QSOX2: variants seen among roughly 807,000 people sequenced by gnomAD.
QSOX2 encodes the protein quiescin sulfhydryl oxidase 2.
In QSOX2, 46 loss-of-function variants were observed where a neutral mutation model predicts 61.7. The ratio of observed to expected loss-of-function variants is 0.75; its 90% confidence interval spans 0.59 to 0.95. The LOEUF is 0.95. Ranked by LOEUF, QSOX2 falls within the 40% of genes least tolerant of loss-of-function variation. The pLI is 0.00. For synonymous variants in QSOX2, 383 were observed against 388.4 expected, an observed-to-expected ratio of 0.99 and a Z score of 0.16; for missense variants, 879 against 918.9, an observed-to-expected ratio of 0.96 and a Z score of 0.56.
intron 2 of QSOX2, 111 bp from the exon 3 acceptor site, chr9:136,225,020 G>C (rs1338246284): frequency 5.9e-6 from 4 of 674,118 alleles, no homozygotes; most frequent in African/African-American, 1.9e-5. Flanking sequence ...AATTTCCTTC[G>C]GAAAGTTTTC....
chr9:136,214,770 A>AT (rs1283130576), intron 10 of QSOX2, among the ~76,000 whole-genome samples: 2 of 152,192 alleles, frequency 1.3e-5, no homozygotes, highest in Non-Finnish European at 2.9e-5. Context: ...TGGCTGCTAA[A>AT]TTTTGGGGTG....
At chr9:136,234,125 A>G (rs919571802) in intron 1 of QSOX2, among the ~76,000 whole-genome samples, 1 of 151,480 alleles carries the variant, frequency 6.6e-6, no homozygotes, top group East Asian at 1.9e-4. Context: ...TGGCCAGGAC[A>G]AAGGCCTTCA....
Position 136,207,193 on chromosome 9 carries a change from G to A in QSOX2, c.*1535C>T, listed in dbSNP as rs1831775844. The A allele has an allele frequency of 1.3e-5, 2 of 152,296 alleles. No homozygotes were observed. Among genetic ancestry groups the A allele is most frequent in the Non-Finnish European group, 2.9e-5 (2 of 68,042 alleles). 9.4% of individuals were successfully genotyped at this position (152,296 alleles called of 1,614,324 possible). ...GCCCAGCCATTCTGTGACAGTTGTT[G>A]AAAGAATCAGCTGTTGCCTTTTTTT... On this transcript the variant is annotated 3_prime_UTR_variant, in exon 12 of 12. Transcript: ENST00000358701.
At position 136,222,622 on chromosome 9, in the gene QSOX2, G is replaced by A. The variant is rs898317698; in HGVS notation, c.676-681C>T. On this transcript the variant is annotated intron_variant, in intron 5 of 11. Transcript: ENST00000358701. This position sits in a 1 kb window ranked among gnomAD's most constrained non-coding sequence, Gnocchi z 6.9. ...TGGGTGTGTCTGCGAAGAGCTGATCGCTACTCTGGGGCCACACTGGTCTCT... is the reference window on the plus strand; with the variant it reads ...TGGGTGTGTCTGCGAAGAGCTGATCACTACTCTGGGGCCACACTGGTCTCT... 3.9e-5 allele frequency among the ~76,000 whole-genome samples: 6 copies of A among 152,168 alleles called. No individual in the cohort carries two copies. The highest frequency in any genetic ancestry group is 9.6e-5 in the African/African-American group (4 of 41,454).
Position 136,207,364 on chromosome 9 carries a change from T to TACACACACACACACAC in QSOX2, c.*1348_*1363dup, listed in dbSNP as rs58474709. ...ACCGTCAAAGTCTCTCTCTCTCTCA[T>TACACACACACACACAC]ACACACACACACACACACACACACA... On this transcript the variant is annotated 3_prime_UTR_variant, in exon 12 of 12. Transcript: ENST00000358701. The TACACACACACACACAC allele has an allele frequency of 2.8e-5, 4 of 145,124 alleles. No individual in the cohort carries two copies. The highest frequency in any genetic ancestry group is 5.2e-5 in the African/African-American group (2 of 38,546). The allele number at this position is 145,124 out of a possible 1,614,324, so 9.0% of individuals were successfully genotyped here. A position where few individuals can be genotyped will look rare whatever the true frequency, so the allele number is the denominator to read the frequency against.
chr9:136,224,940 G>A, intron 2 of QSOX2, 31 bp from the exon 3 acceptor site: 1 of 1,574,476 alleles, frequency 6.4e-7, no homozygotes, highest in African/African-American at 1.4e-5. Context: ...CAAGTAAGAG[G>A]CAGCCTTCCA....
At position 136,221,016 on chromosome 9, in the gene QSOX2, C is replaced by T. The variant is rs886243397; in HGVS notation, c.821+780G>A. Among the ~76,000 whole-genome samples, 4 of 152,192 alleles carry T rather than the reference C, an allele frequency of 2.6e-5. No individual in the cohort carries two copies. The highest frequency in any genetic ancestry group is 5.9e-5 in the Non-Finnish European group (4 of 68,036). On this transcript the variant is annotated intron_variant, in intron 6 of 11. Transcript: ENST00000358701. The surrounding 1 kb of genome is among the most constrained non-coding windows in gnomAD (Gnocchi z 4.5). ...ACCTGATTCAAGTTGTTTACTTTTTCATTGGGCTTATCCGAGGGGCACACA... is the reference window on the plus strand; with the variant it reads ...ACCTGATTCAAGTTGTTTACTTTTTTATTGGGCTTATCCGAGGGGCACACA...
At chr9:136,240,839 G>A (rs867758582) in intron 1 of QSOX2, among the ~76,000 whole-genome samples, 3 of 152,196 alleles carry the variant, frequency 2.0e-5, no homozygotes, top group East Asian at 1.9e-4. Context: ...CTTCAGCCTC[G>A]AAGGGTGCTC....
intron 1 of QSOX2, among the ~76,000 whole-genome samples, chr9:136,237,545 C>A (rs541165566): frequency 2.2e-5 from 3 of 133,864 alleles, no homozygotes; most frequent in Non-Finnish European, 4.8e-5. Context: ...CCGTCCTGTG[C>A]CACACCTGGA....
At chr9:136,228,255 T>G (rs1231383213) in intron 1 of QSOX2, among the ~76,000 whole-genome samples, 1 of 152,152 alleles carries the variant, frequency 6.6e-6, no homozygotes, top group Admixed American at 6.5e-5. Flanking sequence ...AATGGTGACG[T>G]GTCATCTCTC....
rs566995138 is a variant in QSOX2, at chr9:136,216,783, G to A, written c.1087-61C>T. 4.5e-5 allele frequency: 72 copies of A among 1,589,384 alleles called. No individual in the cohort carries two copies. The African/African-American group carries it at 7.0e-4, about 15-fold the overall frequency. ...CCAAACCCGGGCCCGCCCCCACCGC[G>A]GGGGGCACCGCACCTCCAAAGAGAA... On this transcript the variant is annotated intron_variant, in intron 8 of 11. Transcript: ENST00000358701.
intron 6 of QSOX2, among the ~76,000 whole-genome samples, chr9:136,219,689 C>G (rs961861963): frequency 6.6e-6 from 1 of 152,196 alleles, no homozygotes; most frequent in East Asian, 1.9e-4. Flanking sequence ...CAGGGTGGAG[C>G]TGCCTTCTGA....
intron 10 of QSOX2, 79 bp from the exon 11 acceptor site, chr9:136,211,531 G>A (rs1831846082): frequency 2.1e-6 from 3 of 1,456,362 alleles, no homozygotes; most frequent in Admixed American, 1.8e-5. Flanking sequence ...AGAGCCTGGG[G>A]GGAAACCGCT....
At chr9:136,232,438 C>A (rs111618866) in intron 1 of QSOX2, among the ~76,000 whole-genome samples, 20 of 152,220 alleles carry the variant, frequency 1.3e-4, no homozygotes, top group African/African-American at 4.8e-4. Context: ...ATGAGCCACA[C>A]GGCCTAGAAA....
intron 10 of QSOX2, among the ~76,000 whole-genome samples, chr9:136,212,430 G>A (rs1296249782): frequency 1.3e-5 from 2 of 152,246 alleles, no homozygotes; most frequent in Admixed American, 6.5e-5. Context: ...GACGCTTGTC[G>A]TGGCTCCCTG....
chr9:136,219,436 G>T (rs1831955334), intron 6 of QSOX2, among the ~76,000 whole-genome samples: 2 of 152,232 alleles, frequency 1.3e-5, no homozygotes, highest in Admixed American at 6.5e-5. Flanking sequence ...GGGACCTTAA[G>T]GCGTTTTGTA....
chr9:136,222,613 G>C lies in QSOX2; in HGVS notation c.676-672C>G, dbSNP rs565821199. Among the ~76,000 whole-genome samples, 2 of 152,324 alleles carry C rather than the reference G, an allele frequency of 1.3e-5. No individual in the cohort carries two copies. Among genetic ancestry groups the C allele is most frequent in the East Asian group, 3.9e-4 (2 of 5,176 alleles). ...CTCCTGAGCTGGGTGTGTCTGCGAA[G>C]AGCTGATCGCTACTCTGGGGCCACA... is the stretch of plus-strand genomic sequence containing the variant. On this transcript the variant is annotated intron_variant, in intron 5 of 11. Transcript: ENST00000358701. The surrounding 1 kb of genome is among the most constrained non-coding windows in gnomAD (Gnocchi z 6.9).
At chr9:136,233,018 C>G (rs767195467) in intron 1 of QSOX2, among the ~76,000 whole-genome samples, 33 of 151,758 alleles carry the variant, frequency 2.2e-4, no homozygotes, top group Non-Finnish European at 3.8e-4. Flanking sequence ...CGCAAGTGCC[C>G]TATTAGGGAA....
chr9:136,245,316 G>A (rs1393516775), intron 1 of QSOX2, among the ~76,000 whole-genome samples, 160 bp downstream of exon 1: 1 of 152,000 alleles, frequency 6.6e-6, no homozygotes, highest in African/African-American at 2.4e-5. Flanking sequence ...GCCAGGGTTG[G>A]TCCGAGTCGG....
Sources: gnomAD v4.1 joint callset for allele counts (sites outside exome capture counted in the v4.1 genomes callset) on GRCh38, gnomAD v4.1.1 for gene constraint, Gnocchi (gnomAD v3.1) non-coding constraint, MANE v1.5 for transcripts, NCBI Gene and HGNC (gene_info 2026-07-23, HGNC 2026-07-21) for gene names.